KIRREL2: variants seen among roughly 807,000 people sequenced by gnomAD.
The protein encoded by KIRREL2 is kin of IRRE-like protein 2.
Under a neutral mutation model 73.4 loss-of-function variants are expected in KIRREL2, and 56 were observed. The ratio of observed to expected loss-of-function variants is 0.76; its 90% CI spans 0.62 to 0.95. The LOEUF (loss-of-function observed/expected upper bound fraction) is 0.95, where lower values mean the gene tolerates loss of function less well. Among genes scored for constraint, KIRREL2 ranks in the 40% least tolerant of loss-of-function variants. The pLI is 0.00. For synonymous variants in KIRREL2, 407 were observed against 404.0 expected (o/e 1.01, Z -0.09); for missense variants, 896 against 935.0 (o/e 0.96, Z 0.54).
chr19:35,852,007 A>G (rs401824), upstream of KIRREL2, among the ~76,000 whole-genome samples: 23,708 of 149,956 alleles, frequency 0.16, 4,242 homozygotes, highest in African/African-American at 0.44. Context: ...CCCTGTGAGT[A>G]TCTCTCTCTG....
At chr19:35,862,644 C>T (rs772155841) in intron 12 of KIRREL2, 47 bp downstream of exon 12, 2 of 1,399,360 alleles carry the variant, frequency 1.4e-6, no homozygotes, top group East Asian at 2.3e-5. Context: ...CAGCCCCACA[C>T]GCGCCCTGCC....
At position 35,861,563 on chromosome 19, in the gene KIRREL2, G is replaced by A; in HGVS notation, c.1212G>A (p.Leu404=). 1.2e-6 allele frequency: 2 copies of A among 1,613,842 alleles called. No homozygotes were observed. Among genetic ancestry groups the A allele is most frequent in the Non-Finnish European group, 8.5e-7 (1 of 1,179,934 alleles). Residue 404 remains leucine (L), a synonymous_variant, in exon 10 of 15, where the codon CTG becomes CTA. Transcript: ENST00000360202. The stretch of plus-strand genomic sequence containing the variant: ...CAGCTCCCCCAGTAGTGACCGCCCT[G>A]CACTCTGCGCCTGCCTTCCTGAGGG... ...TVNAPPVVTA[L]HSAPAFLRGP...
Position 35,866,159 on chromosome 19 carries a change from C to A in KIRREL2, c.1794C>A (p.Asp598Glu), listed in dbSNP as rs1248864439. 3 of 1,605,966 alleles carry A rather than the reference C, an allele frequency of 1.9e-6. No individual in the cohort carries two copies. Among genetic ancestry groups the A allele is most frequent in the Non-Finnish European group, 1.7e-6 (2 of 1,178,158 alleles). The stretch of plus-strand genomic sequence containing the variant: ...CTGAGTCCCATTTGTCCCCTCAGGA[C>A]CCAACCAACGGTTACTACAAGGTCC... Reference protein sequence around the residue: ...LEEEGTLETKDPTNGYYKVRG... With the variant: ...LEEEGTLETKEPTNGYYKVRG... The change falls in exon 15 of 15, where the codon GAC becomes GAA. Residue 598 changes from aspartate to glutamate, a missense_variant and splice_region_variant. By Grantham distance (45) the Asp-to-Glu change is conservative (BLOSUM62 2). Coordinates refer to ENST00000360202, the MANE Select transcript of KIRREL2 (RefSeq NM_199180.4).
chr19:35,863,133 C>A, intron 13 of KIRREL2, 97 bp downstream of exon 13: 1 of 698,144 alleles, frequency 1.4e-6, no homozygotes. Flanking sequence ...ACTCTAAGGC[C>A]AGGCATGGTG....
upstream of KIRREL2, among the ~76,000 whole-genome samples, chr19:35,854,487 A>C (rs538816923): frequency 1.3e-5 from 2 of 150,390 alleles, no homozygotes; most frequent in African/African-American, 4.9e-5. Flanking sequence ...ACGCCTGGCT[A>C]ATTTTTTGTA....
At chr19:35,851,540 C>G (rs386833897), upstream of KIRREL2, 3 of 1,613,750 alleles carry the variant, frequency 1.9e-6, no homozygotes. Context: ...ATCTTTGGCC[C>G]ATTGCACCGC....
At chr19:35,859,061 T>C (rs1324255750) in intron 4 of KIRREL2, among the ~76,000 whole-genome samples, 197 bp downstream of exon 4, 1 of 152,240 alleles carries the variant, frequency 6.6e-6, no homozygotes, top group Non-Finnish European at 1.5e-5. Flanking sequence ...CACTTGCTAG[T>C]TGATTGATCT....
rs1407008983 is a variant in KIRREL2 at position 35,857,035 on chromosome 19, C to A, written c.-85C>A. ...AGTCGAGCGTGAAGGGGGCTCCGGG[C>A]CAGGGTGACAGGAGGCGTGCTTGAG... On this transcript the variant is annotated 5_prime_UTR_variant, in exon 1 of 15. Coordinates refer to ENST00000360202, the MANE Select transcript of KIRREL2 (RefSeq NM_199180.4). 1 of 1,414,244 alleles carries A rather than the reference C, an allele frequency of 7.1e-7. No homozygotes were observed. The highest frequency in any genetic ancestry group is 1.0e-6 in the Non-Finnish European group (1 of 999,140). 87.6% of individuals were successfully genotyped at this position (1,414,244 alleles called of 1,614,324 possible). A position where few individuals can be genotyped will look rare whatever the true frequency, so the allele number is the denominator to read the frequency against.
Position 35,866,540 on chromosome 19 carries a change from A to G in KIRREL2, c.*48A>G, listed in dbSNP as rs1414252563. On this transcript the variant is annotated 3_prime_UTR_variant, in exon 15 of 15. Coordinates refer to ENST00000360202, the MANE Select transcript of KIRREL2 (RefSeq NM_199180.4). ...TGGGATCTCCAACTTGCCATAATGGATTGTTCTGATTTCTGAGGAGCCAGG... is the reference window on the plus strand; with the variant it reads ...TGGGATCTCCAACTTGCCATAATGGGTTGTTCTGATTTCTGAGGAGCCAGG... 1 of 1,611,090 alleles carries G rather than the reference A, an allele frequency of 6.2e-7. No homozygotes were observed. Among genetic ancestry groups the G allele is most frequent in the Admixed American group, 1.7e-5 (1 of 58,958 alleles).
In KIRREL2 at chr19:35,862,587, C is replaced by T; in HGVS notation, c.1605C>T (p.Arg535=). Residue 535 remains arginine, a synonymous_variant, in exon 12 of 15, where the codon CGC becomes CGT. Transcript: ENST00000360202. ...CTGGGGTGGCCCTCTGCTGCTGGCG[C>T]CACAGCAAGGGTTAGTGCCTGAGCC... ...VITGVALCCW[R]HSKASASFSE... is the part of the protein sequence containing the mutation. 1.2e-6 allele frequency: 2 copies of T among 1,607,024 alleles called. No homozygotes were observed. Among genetic ancestry groups the T allele is most frequent in the Non-Finnish European group, 1.7e-6 (2 of 1,179,356 alleles).
chr19:35,861,838 G>A lies in KIRREL2; in HGVS notation c.1324G>A (p.Gly442Arg), dbSNP rs767655285. 8 of 1,587,074 alleles carry A rather than the reference G, an allele frequency of 5.0e-6. No individual in the cohort carries two copies. In the African/African-American group the frequency reaches 9.4e-5, roughly 19 times the overall value. ...WSWDEGFLEA[G>R]SQGRFLVETF... is the part of the protein sequence containing the mutation. ...TTGGGATGAGGGCTTCCTGGAGGCG[G>A]GGTCGCAGGGCCGGTTCCTGGTGGA... The change falls in exon 11 of 15, where the codon GGG becomes AGG. Residue 442 changes from glycine (G) to arginine (R), a missense_variant. Transcript: ENST00000360202.
Position 35,866,633 on chromosome 19 carries a change from G to T in KIRREL2, c.*141G>T, listed in dbSNP as rs565554773. 21 of 1,321,584 alleles carry T rather than the reference G, an allele frequency of 1.6e-5. No homozygotes were observed. Among genetic ancestry groups the T allele is most frequent in the South Asian group, 1.5e-4 (12 of 79,660 alleles). The allele number at this position is 1,321,584 out of a possible 1,614,324, so 81.9% of individuals were successfully genotyped here. A position where few individuals can be genotyped will look rare whatever the true frequency, so the allele number is the denominator to read the frequency against. Reference sequence around the variant, plus strand: ...AGGGAAAGATCATTACATTTGTCAGGAGCATTTGTATACAGTCAGCTCAGC... The same window carrying T: ...AGGGAAAGATCATTACATTTGTCAGTAGCATTTGTATACAGTCAGCTCAGC... On this transcript the variant is annotated 3_prime_UTR_variant, in exon 15 of 15. Coordinates refer to ENST00000360202, the MANE Select transcript of KIRREL2 (RefSeq NM_199180.4).
chr19:35,865,078 C>T (rs930022001), intron 14 of KIRREL2, among the ~76,000 whole-genome samples: 3 of 152,014 alleles, frequency 2.0e-5, no homozygotes, highest in Non-Finnish European at 4.4e-5. Flanking sequence ...GGTCCTACCT[C>T]AGGACAGCCA....
In KIRREL2 at chr19:35,857,511, C is replaced by T; in HGVS notation, c.211+17C>T. Reference sequence around the variant, plus strand: ...ACCTACCAGGTAAGAGTGTTCTCTCCACGCTGGGACGGGCTGGCTAGGGGG... The same window carrying T: ...ACCTACCAGGTAAGAGTGTTCTCTCTACGCTGGGACGGGCTGGCTAGGGGG... On this transcript the variant is annotated intron_variant, in intron 2 of 14. Transcript: ENST00000360202. 6.5e-7 allele frequency: 1 copy of T among 1,530,414 alleles called. No homozygotes were observed. The allele number at this position is 1,530,414 out of a possible 1,614,324, so 94.8% of individuals were successfully genotyped here. A position where few individuals can be genotyped will look rare whatever the true frequency, so the allele number is the denominator to read the frequency against.
chr19:35,861,602 C>T lies in KIRREL2; in HGVS notation c.1251C>T (p.Leu417=). The T allele has an allele frequency of 6.2e-7, 1 of 1,613,670 alleles. No homozygotes were observed. Among genetic ancestry groups the T allele is most frequent in the Non-Finnish European group, 8.5e-7 (1 of 1,179,850 alleles). The change falls in exon 10 of 15, where the codon CTC becomes CTT. Residue 417 remains leucine, a synonymous_variant. Transcript: ENST00000360202. ...CCTTCCTGAGGGGCCCTGCTCGCCT[C>T]CAGTGTCTGGTTTTCGCCTCTCCCG... ...APAFLRGPAR[L]QCLVFASPAP...
chr19:35,853,939 G>A (rs1286574602), upstream of KIRREL2, among the ~76,000 whole-genome samples: 1 of 149,058 alleles, frequency 6.7e-6, no homozygotes. Context: ...CCGCCTCCCA[G>A]GTCCAAGCGA....
At position 35,862,032 on chromosome 19, in the gene KIRREL2, C is replaced by T. The variant is rs1422255071; in HGVS notation, c.1510+8C>T. The T allele has an allele frequency of 1.3e-6, 2 of 1,599,866 alleles. No homozygotes were observed. Among genetic ancestry groups the T allele is most frequent in the East Asian group, 2.2e-5 (1 of 44,492 alleles). On this transcript the variant is annotated splice_region_variant and intron_variant, in intron 11 of 14. Coordinates refer to ENST00000360202, the MANE Select transcript of KIRREL2 (RefSeq NM_199180.4). ...CCAGCCTGGGCCGTAGAGGTGAGAC[C>T]CCAGCCCGAAGACCCCAAATCTGGA...
At position 35,864,730 on chromosome 19, in the gene KIRREL2, G is replaced by T. The variant is rs1973891976; in HGVS notation, c.1791+17G>T. 6.3e-7 allele frequency: 1 copy of T among 1,592,794 alleles called. No homozygotes were observed. The highest frequency in any genetic ancestry group is 8.6e-7 in the Non-Finnish European group (1 of 1,160,844). On this transcript the variant is annotated intron_variant, in intron 14 of 14. Transcript: ENST00000360202. The stretch of plus-strand genomic sequence containing the variant: ...GAGACCAAGGTGAGTGTTGAGAGGG[G>T]TGGGGCTCCCTTCACTGTTGGGAGA...
At chr19:35,862,063 T>A in intron 11 of KIRREL2, 39 bp downstream of exon 11, 1 of 1,537,952 alleles carries the variant, frequency 6.5e-7, no homozygotes, top group South Asian at 1.2e-5. Flanking sequence ...CTGGAGAGTC[T>A]AAACCCCACA....
Sources: allele counts gnomAD v4.1 joint callset (sites outside exome capture counted in the v4.1 genomes callset), GRCh38; gene constraint gnomAD v4.1.1; transcripts MANE v1.5; gene names NCBI Gene and HGNC (gene_info 2026-07-23, HGNC 2026-07-21).